The following CBFA2T3 variants were observed in gnomAD, a reference collection of about 807,000 sequenced individuals.
CBFA2T3 encodes transcriptional corepressor CBFA2T3.
A neutral mutation model predicts 58.6 loss-of-function variants in CBFA2T3; 31 were observed. The ratio of observed to expected loss-of-function variants is 0.53; its 90% CI spans 0.40 to 0.71. The LOEUF (loss-of-function observed/expected upper bound fraction) is 0.71, where lower values mean the gene tolerates loss of function less well. Ranked by LOEUF, CBFA2T3 falls within the 30% of genes least tolerant of loss-of-function variation. CBFA2T3 has a pLI of 0.00. For missense variants in CBFA2T3, 1,076 were observed against 963.1 expected (o/e 1.12, Z -1.55); for synonymous variants, 531 against 421.9 (o/e 1.26, Z -3.17).
intron 11 of CBFA2T3, among the ~76,000 whole-genome samples, chr16:88,878,976 C>T (rs770363352): frequency 9.9e-5 from 15 of 152,212 alleles, no homozygotes; most frequent in Non-Finnish European, 1.5e-4. Flanking sequence ...AACCTGGGCT[C>T]GAGTCCTGGC....
chr16:88,964,763 T>G (rs1039148633), intron 1 of CBFA2T3, among the ~76,000 whole-genome samples: 6 of 148,162 alleles, frequency 4.0e-5, no homozygotes, highest in Admixed American at 3.4e-4. Flanking sequence ...ATCCACCCAC[T>G]CATCCATCCA....
At chr16:88,924,112 G>A (rs935227605) in intron 1 of CBFA2T3, among the ~76,000 whole-genome samples, 8 of 151,086 alleles carry the variant, frequency 5.3e-5, no homozygotes, top group Admixed American at 3.3e-4. Flanking sequence ...GGAGGGCCGC[G>A]CCTGCTGGGC....
At position 88,885,350 on chromosome 16, in the gene CBFA2T3, A is replaced by T. The variant is rs1969319846; in HGVS notation, c.894-81T>A. ...GAGGTGCAGGTGGGGTGAGAGGCAGACAGGCAAGGGCAGAGAGAAAGAGGA... is the reference window on the plus strand; with the variant it reads ...GAGGTGCAGGTGGGGTGAGAGGCAGTCAGGCAAGGGCAGAGAGAAAGAGGA... On this transcript the variant is annotated intron_variant, in intron 6 of 11. Transcript: ENST00000268679. The surrounding 1 kb of genome is among the most constrained non-coding windows in gnomAD (Gnocchi z 5.3). 1 of 946,640 alleles carries T rather than the reference A, an allele frequency of 1.1e-6. No homozygotes were observed. The highest frequency in any genetic ancestry group is 1.7e-5 in the African/African-American group (1 of 59,466). The allele number at this position is 946,640 out of a possible 1,614,324, so 58.6% of individuals were successfully genotyped here.
At chr16:88,961,800 AGCGCTGG>A (rs1972365927) in intron 1 of CBFA2T3, among the ~76,000 whole-genome samples, 1 of 127,394 alleles carries the variant, frequency 7.8e-6, no homozygotes, top group Non-Finnish European at 1.7e-5. Flanking sequence ...ACCGACACTC[AGCGCTGG>A]GCATTCCCAC....
At position 88,901,479 on chromosome 16, in the gene CBFA2T3, C is replaced by A. The variant is rs376565753; in HGVS notation, c.304+25G>T. ...GGCCTCCCCTGAAACACCTGGCCCT[C>A]GGCTGCCAGGTGGGGGCTACTTACG... On this transcript the variant is annotated intron_variant, in intron 2 of 11. Transcript: ENST00000268679. 2.2e-6 allele frequency: 3 copies of A among 1,373,714 alleles called. No homozygotes were observed. In the South Asian group the frequency reaches 4.5e-5, roughly 21 times the overall value. The allele number at this position is 1,373,714 out of a possible 1,614,324, so 85.1% of individuals were successfully genotyped here.
intron 10 of CBFA2T3, 50 bp downstream of exon 10, chr16:88,880,670 G>T: frequency 1.4e-6 from 2 of 1,468,630 alleles, no homozygotes; most frequent in Non-Finnish European, 1.9e-6. Context: ...CGCATCTGGG[G>T]CCCTGGCCTC....
chr16:88,916,248 A>G (rs1305704707), intron 1 of CBFA2T3, among the ~76,000 whole-genome samples: 1 of 148,410 alleles, frequency 6.7e-6, no homozygotes, highest in African/African-American at 2.5e-5. Context: ...TCATGTGTGT[A>G]TTCATGCGTG....
chr16:88,928,411 T>G (rs1971156463), intron 1 of CBFA2T3, among the ~76,000 whole-genome samples: 1 of 152,144 alleles, frequency 6.6e-6, no homozygotes. Flanking sequence ...TGGCCACACG[T>G]CCAGCTGCCC....
chr16:88,967,701 T>C (rs1200333217), intron 1 of CBFA2T3, among the ~76,000 whole-genome samples: 1 of 152,078 alleles, frequency 6.6e-6, no homozygotes, highest in Non-Finnish European at 1.5e-5. Flanking sequence ...CGACCTGGCT[T>C]CTCCTGGGGG....
At chr16:88,935,631 C>T (rs1971472836) in intron 1 of CBFA2T3, among the ~76,000 whole-genome samples, 1 of 152,178 alleles carries the variant, frequency 6.6e-6, no homozygotes, top group Admixed American at 6.5e-5. Context: ...CAGAGTCTGA[C>T]CATCGAGGTG....
intron 5 of CBFA2T3, among the ~76,000 whole-genome samples, chr16:88,890,320 G>A (rs1969577939): frequency 6.6e-6 from 1 of 152,172 alleles, no homozygotes; most frequent in Non-Finnish European, 1.5e-5. Context: ...CTCACCCAGG[G>A]GCCAACAGCT....
intron 2 of CBFA2T3, among the ~76,000 whole-genome samples, chr16:88,901,245 G>A (rs1315214602): frequency 6.6e-6 from 1 of 152,236 alleles, no homozygotes; most frequent in Non-Finnish European, 1.5e-5. Context: ...CCCCACCACA[G>A]CCCTGGGAGG....
intron 1 of CBFA2T3, among the ~76,000 whole-genome samples, chr16:88,974,241 C>T (rs376287225): frequency 6.6e-6 from 1 of 152,168 alleles, no homozygotes; most frequent in Non-Finnish European, 1.5e-5. Context: ...GCGGTGAGAG[C>T]CTGCACAGCT....
chr16:88,893,092 C>T (rs1199911370), intron 3 of CBFA2T3, among the ~76,000 whole-genome samples: 1 of 152,100 alleles, frequency 6.6e-6, no homozygotes, highest in East Asian at 1.9e-4. Context: ...AGTCGCTCAT[C>T]CCCCGAAAGG....
At position 88,885,974 on chromosome 16, in the gene CBFA2T3, T is replaced by G. The variant is rs1318702611; in HGVS notation, c.880A>C (p.Arg294=). The change falls in exon 6 of 12, where the codon AGG becomes CGG. Residue 294 remains arginine (R), a synonymous_variant. Transcript: ENST00000268679. The surrounding 1 kb of genome is among the most constrained non-coding windows in gnomAD (Gnocchi z 5.3). ...GCCCACAGGTACCTGTCGGGCGTCC[T>G]CCTCTTGCCGTTCTCGTTGACTTCC... ...LLEVNENGKR[R]TPDRTKENGS... is the part of the protein sequence containing the mutation. 5.2e-6 allele frequency: 8 copies of G among 1,550,018 alleles called. No homozygotes were observed. In the Admixed American group the frequency reaches 1.4e-4, roughly 27 times the overall value.
chr16:88,974,170 C>T (rs553440957), intron 1 of CBFA2T3, among the ~76,000 whole-genome samples: 51 of 152,350 alleles, frequency 3.3e-4, no homozygotes, highest in Admixed American at 1.3e-3. Flanking sequence ...TCTCCTGAGG[C>T]AGTCAGGTCA....
intron 3 of CBFA2T3, among the ~76,000 whole-genome samples, chr16:88,893,385 G>A (rs929960705): frequency 2.2e-4 from 33 of 150,546 alleles, no homozygotes; most frequent in African/African-American, 8.1e-4. Context: ...TCCTACAAGT[G>A]TCTCCCAGCC....
chr16:88,931,622 G>A (rs3826083), intron 1 of CBFA2T3, among the ~76,000 whole-genome samples: 9,926 of 125,406 alleles, frequency 0.079, 502 homozygotes, highest in South Asian at 0.12. Flanking sequence ...GGCCGGCCCC[G>A]TGGACGAGCC....
chr16:88,897,467 C>T (rs995204450), intron 3 of CBFA2T3, among the ~76,000 whole-genome samples: 1 of 152,244 alleles, frequency 6.6e-6, no homozygotes, highest in African/African-American at 2.4e-5. Context: ...GGTAAGAGCC[C>T]ATGCTCCCTG....
Sources: gnomAD v4.1 joint callset for allele counts (sites outside exome capture counted in the v4.1 genomes callset) on GRCh38, gnomAD v4.1.1 for gene constraint, Gnocchi (gnomAD v3.1) non-coding constraint, MANE v1.5 for transcripts, NCBI Gene and HGNC (gene_info 2026-07-23, HGNC 2026-07-21) for gene names.